Variants in RELN observed in about 807,000 individuals in gnomAD.
RELN encodes reelin.
RELN carries 108 observed loss-of-function variants against 427.6 expected under a neutral mutation model. The ratio of observed to expected loss-of-function variants is 0.25; its 90% CI spans 0.22 to 0.30. The LOEUF (loss-of-function observed/expected upper bound fraction) is 0.30, where lower values mean the gene tolerates loss of function less well. Ranked by LOEUF, RELN falls within the 10% of genes least tolerant of loss-of-function variation. The probability of loss-of-function intolerance (pLI) is 1.00; values close to 1 mark genes in which losing one functional copy is unlikely to be tolerated. For missense variants in RELN, 3,715 were observed against 4,302.8 expected, an observed-to-expected ratio of 0.86 and a Z score of 3.82; for synonymous variants, 1,524 against 1,513.4, an observed-to-expected ratio of 1.01 and a Z score of -0.16.
chr7:103,767,970 T>A (rs1035128036), intron 4 of RELN, among the ~76,000 whole-genome samples: 3 of 152,186 alleles, frequency 2.0e-5, no homozygotes, highest in Non-Finnish European at 4.4e-5. Flanking sequence ...ACTTGCCACC[T>A]TCTAACATGG....
At chr7:103,943,847 C>CAAAAAA (rs1796163942) in intron 1 of RELN, among the ~76,000 whole-genome samples, 2 of 14,594 alleles carry the variant, frequency 1.4e-4, no homozygotes, top group African/African-American at 8.0e-4. Context: ...GATTCTGTCT[C>CAAAAAA]CAAAAAAAAA....
At chr7:103,865,749 C>T (rs762618679) in intron 2 of RELN, among the ~76,000 whole-genome samples, 2 of 152,120 alleles carry the variant, frequency 1.3e-5, no homozygotes, top group Non-Finnish European at 2.9e-5. Flanking sequence ...GAATTTACCT[C>T]AATACAATAA....
intron 3 of RELN, among the ~76,000 whole-genome samples, chr7:103,798,490 C>T (rs1201649802): frequency 6.6e-6 from 1 of 152,174 alleles, no homozygotes; most frequent in African/African-American, 2.4e-5. Flanking sequence ...AAAGGTGAAG[C>T]TAAACCAGTT....
intron 2 of RELN, among the ~76,000 whole-genome samples, chr7:103,838,910 T>C (rs1195108498): frequency 6.6e-6 from 1 of 152,224 alleles, no homozygotes; most frequent in African/African-American, 2.4e-5. Context: ...CAATCTAACA[T>C]TCTAGCATAG....
intron 25 of RELN, among the ~76,000 whole-genome samples, 167 bp from the exon 26 acceptor site, chr7:103,594,659 T>C (rs1488260689): frequency 6.6e-6 from 1 of 152,188 alleles, no homozygotes; most frequent in East Asian, 1.9e-4. Flanking sequence ...AGGTTTAACC[T>C]TGTAGGCAGG....
At chr7:103,880,809 C>T (rs1286344545) in intron 2 of RELN, among the ~76,000 whole-genome samples, 1 of 152,172 alleles carries the variant, frequency 6.6e-6, no homozygotes, top group East Asian at 1.9e-4. Flanking sequence ...CCTACCACCT[C>T]AGCTTCCCGA....
intron 11 of RELN, among the ~76,000 whole-genome samples, chr7:103,663,475 C>T (rs1357418902): frequency 6.6e-6 from 1 of 152,170 alleles, no homozygotes; most frequent in Non-Finnish European, 1.5e-5. Flanking sequence ...CTTGCCCTGT[C>T]CTCTGAGACA....
intron 46 of RELN, among the ~76,000 whole-genome samples, chr7:103,533,667 G>C (rs185832818): frequency 6.6e-6 from 1 of 152,204 alleles, no homozygotes; most frequent in Admixed American, 6.5e-5. Context: ...ATGCTCATCA[G>C]ATTTTTCAAA....
At chr7:103,807,725 GT>G (rs1397154225) in intron 3 of RELN, among the ~76,000 whole-genome samples, 1 of 152,092 alleles carries the variant, frequency 6.6e-6, no homozygotes, top group African/African-American at 2.4e-5. Context: ...TTAGTTTTCT[GT>G]TCTGCATTAG....
chr7:103,879,798 T>C lies in RELN; in HGVS notation c.337+37277A>G, dbSNP rs568820836. Among the ~76,000 whole-genome samples the C allele has an allele frequency of 8.7e-4, 133 of 152,302 alleles. 1 individual carries two copies. The highest frequency in any genetic ancestry group is 2.9e-3 in the African/African-American group (121 of 41,580). On this transcript the variant is annotated intron_variant, in intron 2 of 64. Coordinates refer to ENST00000428762, the MANE Select transcript of RELN (RefSeq NM_005045.4). ...CCACAGGCCAGTTTTCTTTAGGACATATTTTAATTTTTTAATATGTGACAA... is the reference window on the plus strand; with the variant it reads ...CCACAGGCCAGTTTTCTTTAGGACACATTTTAATTTTTTAATATGTGACAA...
chr7:103,973,906 G>A (rs960877528), intron 1 of RELN, among the ~76,000 whole-genome samples: 4 of 152,196 alleles, frequency 2.6e-5, no homozygotes, highest in African/African-American at 7.2e-5. Context: ...ACTTTGGGAC[G>A]CCAAGGCGGG....
intron 1 of RELN, among the ~76,000 whole-genome samples, chr7:103,938,198 G>A (rs1796029138): frequency 6.6e-6 from 1 of 152,032 alleles, no homozygotes; most frequent in Non-Finnish European, 1.5e-5. Flanking sequence ...GCGCATGCCT[G>A]TTATCCCAGC....
In RELN at chr7:103,573,289, G is replaced by C. The variant is rs1347712644; in HGVS notation, c.4511+803C>G. Among the ~76,000 whole-genome samples, 2 of 152,200 alleles carry C rather than the reference G, an allele frequency of 1.3e-5. No homozygotes were observed. Among genetic ancestry groups the C allele is most frequent in the African/African-American group, 4.8e-5 (2 of 41,454 alleles). ...AGAAGCTGAATACCATATTTGTTTA[G>C]AGTCAGATAATTACCTGTCAGTTGC... On this transcript the variant is annotated intron_variant, in intron 30 of 64. Coordinates refer to ENST00000428762, the MANE Select transcript of RELN (RefSeq NM_005045.4). This position sits in a 1 kb window ranked among gnomAD's most constrained non-coding sequence, Gnocchi z 4.4.
chr7:103,738,542 C>T (rs28469300), intron 6 of RELN, among the ~76,000 whole-genome samples: 1,604 of 152,054 alleles, frequency 0.011, 25 homozygotes, highest in African/African-American at 0.037. Context: ...GTGCCTCATG[C>T]CCTTTACCAG....
At chr7:103,671,397 A>G (rs1833389631) in intron 11 of RELN, among the ~76,000 whole-genome samples, 1 of 152,104 alleles carries the variant, frequency 6.6e-6, no homozygotes, top group Non-Finnish European at 1.5e-5. Context: ...GAACAACACT[A>G]ATAAAGAATA....
At chr7:103,480,885 G>A (rs1293960984) in intron 63 of RELN, among the ~76,000 whole-genome samples, 4 of 152,136 alleles carry the variant, frequency 2.6e-5, no homozygotes, top group African/African-American at 9.7e-5. Context: ...AATAATGCAG[G>A]ATAAGAACAG....
At chr7:103,673,401 CT>C (rs1480967405) in intron 11 of RELN, among the ~76,000 whole-genome samples, 6 of 152,000 alleles carry the variant, frequency 3.9e-5, no homozygotes, top group African/African-American at 1.4e-4. Context: ...ATTTTATTTC[CT>C]TTTTCTGTTC....
At chr7:103,575,272 A>G (rs1024094676) in intron 29 of RELN, among the ~76,000 whole-genome samples, 2 of 152,242 alleles carry the variant, frequency 1.3e-5, no homozygotes, top group African/African-American at 4.8e-5. Flanking sequence ...TCTGGCATGA[A>G]GTAGGACCTC....
intron 1 of RELN, among the ~76,000 whole-genome samples, chr7:103,961,882 G>T (rs1431945114): frequency 6.6e-6 from 1 of 152,174 alleles, no homozygotes; most frequent in Non-Finnish European, 1.5e-5. Context: ...TTCAGTAGGA[G>T]TAGCTTTTAA....
Sources: gnomAD v4.1 joint callset for allele counts (sites outside exome capture counted in the v4.1 genomes callset) on GRCh38, gnomAD v4.1.1 for gene constraint, Gnocchi (gnomAD v3.1) non-coding constraint, MANE v1.5 for transcripts, NCBI Gene and HGNC (gene_info 2026-07-23, HGNC 2026-07-21) for gene names.